SYNPR: variants seen among roughly 807,000 people sequenced by gnomAD.
SYNPR encodes the protein synaptoporin.
A neutral mutation model predicts 32.9 loss-of-function variants in SYNPR; 23 were observed. The observed-to-expected ratio is 0.70, with a 90% CI of 0.50 to 0.99. SYNPR has a LOEUF of 0.99. Among genes scored for constraint, SYNPR ranks in the 50% least tolerant of loss-of-function variants. The pLI is 0.00. For missense variants in SYNPR, 318 were observed against 349.3 expected (o/e 0.91, Z 0.71); for synonymous variants, 146 against 135.9 (o/e 1.07, Z -0.52).
intron 2 of SYNPR, among the ~76,000 whole-genome samples, chr3:63,346,707 G>A (rs925202736): frequency 1.3e-5 from 2 of 152,032 alleles, no homozygotes; most frequent in African/African-American, 2.4e-5. Context: ...TCCTGACCTC[G>A]TGATCCACCC....
chr3:63,283,530 T>C (rs1319821653), intron 2 of SYNPR, among the ~76,000 whole-genome samples: 1 of 152,156 alleles, frequency 6.6e-6, no homozygotes, highest in African/African-American at 2.4e-5. Context: ...AAACCATCAT[T>C]TGGAAATGGC....
chr3:63,442,998 G>T, intron 2 of SYNPR: 1 of 989,252 alleles, frequency 1.0e-6, no homozygotes, highest in Non-Finnish European at 1.2e-6. Flanking sequence ...TTGTTTTTAA[G>T]CACTGTGCTT....
chr3:63,357,947 A>G (rs754144390), intron 2 of SYNPR, among the ~76,000 whole-genome samples: 23 of 152,228 alleles, frequency 1.5e-4, no homozygotes, highest in Non-Finnish European at 2.9e-4. Context: ...TAGTGTAGGA[A>G]AAAGTTGTAC....
Position 63,408,190 on chromosome 3 carries a change from GAAAGAGGAAGGAAGGA to G in SYNPR, c.85-72640_85-72625del, listed in dbSNP as rs2088393106. 3.4e-5 allele frequency among the ~76,000 whole-genome samples: 3 copies of G among 89,272 alleles called. 1 individual carries two copies. The highest frequency in any genetic ancestry group is 1.0e-4 in the African/African-American group (2 of 19,868). 58.6% of individuals were successfully genotyped at this position (89,272 alleles called of 152,430 possible). ...AGAAAGAAAGAAAGAAAGAAAGAAA[GAAAGAGGAAGGAAGGA>G]AGGAAGGAAGGAAGGAAGGAAGGAA... On this transcript the variant is annotated intron_variant, in intron 2 of 5. Coordinates refer to ENST00000478300, the MANE Select transcript of SYNPR (RefSeq NM_001130003.2).
chr3:63,203,068 G>GTGTGTATGTATATATATA, the SYNPR span: 15 of 108,570 alleles, frequency 1.4e-4, no homozygotes, highest in African/African-American at 6.9e-4. Context: ...ATATGTATGT[G>GTGTGTATGTATATATATA]TATATATATA....
chr3:63,599,093 C>T (rs1306415309), intron 4 of SYNPR, among the ~76,000 whole-genome samples: 1 of 152,058 alleles, frequency 6.6e-6, no homozygotes, highest in Non-Finnish European at 1.5e-5. Flanking sequence ...AGTCATGTAC[C>T]CCATTATGGA....
intron 2 of SYNPR, among the ~76,000 whole-genome samples, chr3:63,416,719 G>T (rs1390114989): frequency 6.6e-6 from 1 of 152,054 alleles, no homozygotes; most frequent in Non-Finnish European, 1.5e-5. Flanking sequence ...GGAAGACAAG[G>T]AAGAGCAAGT....
chr3:63,348,924 A>G (rs1023404157), intron 2 of SYNPR, among the ~76,000 whole-genome samples: 2 of 152,236 alleles, frequency 1.3e-5, no homozygotes, highest in Non-Finnish European at 2.9e-5. Context: ...ACATTGTAGT[A>G]TAATTTGAGG....
intron 4 of SYNPR, among the ~76,000 whole-genome samples, chr3:63,570,747 TG>T (rs1307704126): frequency 6.6e-6 from 1 of 152,228 alleles, no homozygotes; most frequent in African/African-American, 2.4e-5. Context: ...ATTATTACCT[TG>T]CACTTTCATT....
At chr3:63,393,032 C>T (rs2088159858) in intron 2 of SYNPR, among the ~76,000 whole-genome samples, 2 of 152,172 alleles carry the variant, frequency 1.3e-5, no homozygotes, top group African/African-American at 4.8e-5. Context: ...GAGTCTCAAA[C>T]ACACATGATA....
At chr3:63,299,345 A>G (rs1388682601) in intron 2 of SYNPR, among the ~76,000 whole-genome samples, 1 of 152,064 alleles carries the variant, frequency 6.6e-6, no homozygotes, top group Admixed American at 6.6e-5. Flanking sequence ...GTCTCTGCCC[A>G]ATCTCTCTGA....
Position 63,615,865 on chromosome 3 carries a change from A to C in SYNPR, c.*384A>C. On this transcript the variant is annotated 3_prime_UTR_variant, in exon 6 of 6. Coordinates refer to ENST00000478300, the MANE Select transcript of SYNPR (RefSeq NM_001130003.2). Reference sequence around the variant, plus strand: ...GCATTTTGATGTGAAAGATGTTATAATAATTTCTAGAAGACAATTTGGTGT... The same window carrying C: ...GCATTTTGATGTGAAAGATGTTATACTAATTTCTAGAAGACAATTTGGTGT... The C allele has an allele frequency of 6.2e-6, 1 of 160,014 alleles. No individual in the cohort carries two copies. Among genetic ancestry groups the C allele is most frequent in the Admixed American group, 6.2e-5 (1 of 16,164 alleles). The allele number at this position is 160,014 out of a possible 1,614,324, so 9.9% of individuals were successfully genotyped here.
intron 2 of SYNPR, among the ~76,000 whole-genome samples, chr3:63,430,831 T>G (rs1179011110): frequency 6.6e-6 from 1 of 152,100 alleles, no homozygotes; most frequent in Non-Finnish European, 1.5e-5. Context: ...AAGAATAAAA[T>G]AAAATGACAC....
intron 2 of SYNPR, among the ~76,000 whole-genome samples, chr3:63,260,331 C>A (rs970072009): frequency 3.3e-5 from 5 of 152,136 alleles, no homozygotes; most frequent in African/African-American, 1.2e-4. Flanking sequence ...TACTACAAGG[C>A]CACAGTAACC....
At chr3:63,284,163 T>C (rs9311867) in intron 2 of SYNPR, among the ~76,000 whole-genome samples, 10,871 of 152,180 alleles carry the variant, frequency 0.071, 417 homozygotes, top group Middle Eastern at 0.099. Context: ...CTTTGGTCTC[T>C]TTTTTTCCCT....
chr3:63,460,952 A>G (rs1700573277), intron 2 of SYNPR, among the ~76,000 whole-genome samples: 1 of 152,244 alleles, frequency 6.6e-6, no homozygotes, highest in South Asian at 2.1e-4. Flanking sequence ...GTACACAGAT[A>G]TAATCAATAT....
rs137866434 is a variant in SYNPR at position 63,418,536 on chromosome 3, T to C, written c.85-62296T>C. Among the ~76,000 whole-genome samples the C allele has an allele frequency of 2.3e-4, 35 of 152,316 alleles. No individual in the cohort carries two copies. In the East Asian group the frequency reaches 6.8e-3, roughly 29 times the overall value. Reference sequence around the variant, plus strand: ...CTGTATTATTCTGTTTTCACACTGCTGATAAAGACATACCCAAGACTGGGT... The same window carrying C: ...CTGTATTATTCTGTTTTCACACTGCCGATAAAGACATACCCAAGACTGGGT... On this transcript the variant is annotated intron_variant, in intron 2 of 5. Transcript: ENST00000478300.
chr3:63,427,226 CTT>C (rs761088258), intron 2 of SYNPR, among the ~76,000 whole-genome samples: 6 of 140,926 alleles, frequency 4.3e-5, no homozygotes, highest in Non-Finnish European at 4.7e-5. Flanking sequence ...TTATTTACTG[CTT>C]TTTTTTTTTT....
chr3:63,367,302 T>C (rs779448877), intron 2 of SYNPR, among the ~76,000 whole-genome samples: 4 of 152,134 alleles, frequency 2.6e-5, no homozygotes, highest in Non-Finnish European at 5.9e-5. Context: ...ATACAGTACA[T>C]TCTGAAGTTT....
Sources: gnomAD v4.1 joint callset for allele counts (sites outside exome capture counted in the v4.1 genomes callset) on GRCh38, gnomAD v4.1.1 for gene constraint, MANE v1.5 for transcripts, NCBI Gene and HGNC (gene_info 2026-07-23, HGNC 2026-07-21) for gene names.